The following LPP variants were observed in gnomAD, a reference collection of about 807,000 sequenced individuals.
The protein encoded by LPP is LIM domain containing preferred translocation partner in lipoma, also known as lipoma-preferred partner.
In LPP, 38 loss-of-function variants were observed where a neutral mutation model predicts 60.4. That is an observed-to-expected ratio of 0.63 (90% CI 0.49 to 0.83). LPP has a LOEUF of 0.83. LPP is among the 40% of genes least tolerant of loss of function. The pLI is 0.00. For synonymous variants in LPP, 328 were observed against 290.8 expected, an observed-to-expected ratio of 1.13 and a Z score of -1.30; for missense variants, 902 against 783.6, an observed-to-expected ratio of 1.15 and a Z score of -1.80.
intron 1 of LPP, chr3:188,179,647 G>T: frequency 2.7e-6 from 1 of 373,374 alleles, no homozygotes; most frequent in Non-Finnish European, 5.3e-6. Context: ...ATCCAGCCGT[G>T]GAGTGAGCTT....
At chr3:188,438,132 C>T (rs557050000) in intron 4 of LPP, among the ~76,000 whole-genome samples, 100 of 152,118 alleles carry the variant, frequency 6.6e-4, no homozygotes, top group Non-Finnish European at 9.0e-4. Context: ...TGGATCATGT[C>T]GTTTCATTGC....
In LPP at chr3:188,879,449, TA is replaced by T. The variant is rs1769664451; in HGVS notation, c.*4971del. The stretch of plus-strand genomic sequence containing the variant: ...GTGGCATCCATAAAATCTTCTTTTA[TA>T]GGGGCATATTTTTTAGGTTGTATTT... On this transcript the variant is annotated 3_prime_UTR_variant, in exon 12 of 12. Coordinates refer to ENST00000617246, the MANE Select transcript of LPP (RefSeq NM_001375462.1). 1 of 208,190 alleles carries T rather than the reference TA, an allele frequency of 4.8e-6. No individual in the cohort carries two copies. The allele number at this position is 208,190 out of a possible 1,614,324, so 12.9% of individuals were successfully genotyped here.
At chr3:188,394,183 T>G (rs1370166232) in intron 3 of LPP, among the ~76,000 whole-genome samples, 1 of 152,188 alleles carries the variant, frequency 6.6e-6, no homozygotes, top group African/African-American at 2.4e-5. Flanking sequence ...CTGAAACACA[T>G]AAAGATGTAA....
intron 5 of LPP, among the ~76,000 whole-genome samples, chr3:188,497,277 A>C (rs541241259): frequency 2.6e-5 from 4 of 152,168 alleles, no homozygotes; most frequent in Non-Finnish European, 5.9e-5. Context: ...GTCGAATCTC[A>C]GTGTCTAGCC....
At chr3:188,270,920 T>C (rs1560182970) in intron 2 of LPP, among the ~76,000 whole-genome samples, 1 of 152,348 alleles carries the variant, frequency 6.6e-6, no homozygotes, top group East Asian at 1.9e-4. Context: ...GCCACCCAGC[T>C]GCAAAACTCT....
chr3:188,712,996 C>A (rs145893130), intron 8 of LPP, among the ~76,000 whole-genome samples: 33 of 151,894 alleles, frequency 2.2e-4, no homozygotes, highest in Non-Finnish European at 4.3e-4. Context: ...TTATAATTAT[C>A]GTATGCTTAA....
At chr3:188,551,193 C>A (rs1307525127) in intron 6 of LPP, among the ~76,000 whole-genome samples, 1 of 152,044 alleles carries the variant, frequency 6.6e-6, no homozygotes, top group Non-Finnish European at 1.5e-5. Context: ...AGAGTCATGG[C>A]GGGAGGCGAA....
At chr3:188,667,564 G>A (rs1856068247) in intron 7 of LPP, among the ~76,000 whole-genome samples, 2 of 151,464 alleles carry the variant, frequency 1.3e-5, no homozygotes, top group African/African-American at 4.9e-5. Context: ...ATAGTTATTG[G>A]TAAGCACATC....
chr3:188,717,887 G>A (rs557813094), intron 8 of LPP, among the ~76,000 whole-genome samples: 6 of 151,908 alleles, frequency 3.9e-5, no homozygotes, highest in Non-Finnish European at 8.8e-5. Context: ...GTGCGATCTC[G>A]GTGCACCACA....
chr3:188,223,173 G>T (rs1398624378), intron 1 of LPP, among the ~76,000 whole-genome samples: 3 of 152,176 alleles, frequency 2.0e-5, no homozygotes, highest in Non-Finnish European at 4.4e-5. Context: ...TGCATGTTTT[G>T]TGGTGTCAAA....
intron 9 of LPP, among the ~76,000 whole-genome samples, chr3:188,804,393 C>T (rs1174146776): frequency 6.7e-6 from 1 of 149,712 alleles, no homozygotes; most frequent in African/African-American, 2.5e-5. Context: ...AATAGAAAGC[C>T]AAATACTGCA....
intron 11 of LPP, 75 bp downstream of exon 11, chr3:188,872,838 G>T: frequency 2.6e-5 from 42 of 1,585,818 alleles, no homozygotes; most frequent in Non-Finnish European, 3.4e-5. Context: ...TTACATAGAT[G>T]TAGCAATTAC....
intron 2 of LPP, among the ~76,000 whole-genome samples, chr3:188,273,589 CTTTTT>C (rs11380757): frequency 7.5e-5 from 6 of 80,436 alleles, no homozygotes; most frequent in Non-Finnish European, 1.1e-4. Flanking sequence ...TATTTTATAT[CTTTTT>C]TTTTTTTTTT....
intron 3 of LPP, among the ~76,000 whole-genome samples, chr3:188,374,099 T>A (rs148198003): frequency 6.6e-6 from 1 of 152,332 alleles, no homozygotes; most frequent in East Asian, 1.9e-4. Flanking sequence ...CATGCTGCTT[T>A]GGTTACTGTA....
chr3:188,690,378 G>A (rs190772518), intron 7 of LPP, among the ~76,000 whole-genome samples: 1 of 152,302 alleles, frequency 6.6e-6, no homozygotes, highest in Non-Finnish European at 1.5e-5. Context: ...CCACAGTAAT[G>A]CTAGCAGAAA....
intron 8 of LPP, among the ~76,000 whole-genome samples, chr3:188,754,311 A>G (rs1361625157): frequency 6.6e-6 from 1 of 152,228 alleles, no homozygotes; most frequent in Non-Finnish European, 1.5e-5. Flanking sequence ...AATGGATGGA[A>G]AGCCATTGCA....
chr3:188,524,246 C>T (rs1819831871), intron 5 of LPP, among the ~76,000 whole-genome samples: 1 of 152,202 alleles, frequency 6.6e-6, no homozygotes, highest in Admixed American at 6.5e-5. Context: ...ATTCCTCTTT[C>T]TGGAATGTCC....
At chr3:188,477,141 A>G in intron 4 of LPP, among the ~76,000 whole-genome samples, 1 of 152,202 alleles carries the variant, frequency 6.6e-6, no homozygotes, top group African/African-American at 2.4e-5. Context: ...ACACCACTGT[A>G]TCTTGGAAGT....
At position 188,572,771 on chromosome 3, in the gene LPP, G is replaced by C. The variant is rs1489353772; in HGVS notation, c.430-36390G>C. Among the ~76,000 whole-genome samples, 1 of 152,036 alleles carries C rather than the reference G, an allele frequency of 6.6e-6. No individual in the cohort carries two copies. The highest frequency in any genetic ancestry group is 2.4e-5 in the African/African-American group (1 of 41,402). On this transcript the variant is annotated intron_variant, in intron 6 of 11. Coordinates refer to ENST00000617246, the MANE Select transcript of LPP (RefSeq NM_001375462.1). The surrounding 1 kb of genome is among the most constrained non-coding windows in gnomAD (Gnocchi z 4.1). Reference sequence around the variant, plus strand: ...AGTAACAAATACTTACCAAATCTCGGTACTGAAAACAAGGGTTTATTTCTT... The same window carrying C: ...AGTAACAAATACTTACCAAATCTCGCTACTGAAAACAAGGGTTTATTTCTT...
Sources: allele counts gnomAD v4.1 joint callset (sites outside exome capture counted in the v4.1 genomes callset), GRCh38; gene constraint gnomAD v4.1.1; non-coding constraint Gnocchi (gnomAD v3.1); transcripts MANE v1.5; gene names NCBI Gene and HGNC (gene_info 2026-07-23, HGNC 2026-07-21).